Variants in MIR2052HG observed in about 807,000 individuals in gnomAD.
MIR2052HG encodes MIR2052 host gene.
At chr8:74,713,315 C>T (rs1809488670) in intron 4 of MIR2052HG, among the ~76,000 whole-genome samples, 1 of 152,128 alleles carries the variant, frequency 6.6e-6, no homozygotes. Context: ...TGGCCCCTTC[C>T]ACTCTTATCC....
intron 2 of MIR2052HG, among the ~76,000 whole-genome samples, chr8:74,668,509 T>C (rs1808956565): frequency 2.0e-5 from 3 of 152,212 alleles, no homozygotes; most frequent in South Asian, 2.1e-4. Flanking sequence ...TTGTAAGATA[T>C]CATCTGTGAC....
chr8:74,676,806 C>T (rs1048894061), intron 2 of MIR2052HG, among the ~76,000 whole-genome samples: 6 of 151,932 alleles, frequency 3.9e-5, no homozygotes, highest in Non-Finnish European at 7.4e-5. Flanking sequence ...ACTTACAACA[C>T]ACACATACGA....
rs770856752 is a variant in MIR2052HG, at chr8:74,698,088, A to G, written n.217-4291A>G. Among the ~76,000 whole-genome samples the G allele has an allele frequency of 2.4e-4, 36 of 152,196 alleles. 1 individual carries two copies. The highest frequency in any genetic ancestry group is 3.2e-3 in the Middle Eastern group (1 of 316). On this transcript the variant is annotated intron_variant and non_coding_transcript_variant, in intron 2 of 6. Coordinates refer to ENST00000523442, the Ensembl canonical transcript of MIR2052HG. The stretch of plus-strand genomic sequence containing the variant: ...AAAAGAACAAATCTGGAGGCATCAC[A>G]TTACCTGACTTCAAACCATACTGTA...
At chr8:74,750,414 G>A (rs953354866) in intron 4 of MIR2052HG, among the ~76,000 whole-genome samples, 3 of 152,136 alleles carry the variant, frequency 2.0e-5, no homozygotes, top group African/African-American at 7.2e-5. Flanking sequence ...GAGATGTGTA[G>A]TAATCATAGA....
At chr8:74,755,116 T>C (rs1406897233) in intron 5 of MIR2052HG, among the ~76,000 whole-genome samples, 1 of 152,208 alleles carries the variant, frequency 6.6e-6, no homozygotes, top group Non-Finnish European at 1.5e-5. Flanking sequence ...TTCTAAATCA[T>C]AATAGCTCCT....
intron 4 of MIR2052HG, among the ~76,000 whole-genome samples, chr8:74,735,251 G>A (rs950908892): frequency 6.6e-6 from 1 of 152,156 alleles, no homozygotes; most frequent in Non-Finnish European, 1.5e-5. Context: ...CTTCTCTCCT[G>A]TCCTCCTTTC....
intron 2 of MIR2052HG, among the ~76,000 whole-genome samples, chr8:74,639,487 T>G (rs138572043): frequency 6.6e-6 from 1 of 152,190 alleles, no homozygotes; most frequent in African/African-American, 2.4e-5. Context: ...GCTCAAATTA[T>G]GAGGATCGCA....
intron 2 of MIR2052HG, among the ~76,000 whole-genome samples, chr8:74,658,274 T>C (rs1371792893): frequency 2.0e-5 from 3 of 152,176 alleles, no homozygotes; most frequent in Non-Finnish European, 2.9e-5. Flanking sequence ...TAATGTACTG[T>C]AGAACTTGCT....
chr8:74,659,478 T>C (rs999129778), intron 2 of MIR2052HG, among the ~76,000 whole-genome samples: 1 of 152,226 alleles, frequency 6.6e-6, no homozygotes, highest in Non-Finnish European at 1.5e-5. Flanking sequence ...TCTCATTTTT[T>C]TGCTGAAGCT....
intron 1 of MIR2052HG, among the ~76,000 whole-genome samples, chr8:74,602,877 T>TTTCTTTCTTTCTTTTCTTTCTTTCTTTC (rs1808041801): frequency 1.9e-5 from 1 of 53,790 alleles, no homozygotes; most frequent in Non-Finnish European, 3.4e-5. Flanking sequence ...TTCTTTCTTT[T>TTTCTTTCTTTCTTTTCTTTCTTTCTTTC]TTCTATTCAC....
chr8:74,713,467 A>T (rs1363794511), intron 4 of MIR2052HG, among the ~76,000 whole-genome samples: 3 of 152,004 alleles, frequency 2.0e-5, no homozygotes, highest in Non-Finnish European at 4.4e-5. Context: ...AAGCACTTAC[A>T]TTATATAGCC....
intron 4 of MIR2052HG, among the ~76,000 whole-genome samples, chr8:74,744,775 G>T (rs937047875): frequency 6.6e-6 from 1 of 152,034 alleles, no homozygotes; most frequent in African/African-American, 2.4e-5. Context: ...GAATAATGCC[G>T]CAGTAAAATC....
intron 2 of MIR2052HG, among the ~76,000 whole-genome samples, chr8:74,680,471 A>C (rs1485703537): frequency 6.6e-6 from 1 of 152,206 alleles, no homozygotes; most frequent in Admixed American, 6.5e-5. Flanking sequence ...AATGCTCACC[A>C]TCACTGGCCA....
intron 2 of MIR2052HG, among the ~76,000 whole-genome samples, chr8:74,689,955 G>T (rs567991953): frequency 6.6e-6 from 1 of 152,144 alleles, no homozygotes; most frequent in Admixed American, 6.5e-5. Flanking sequence ...CTATGGGCCA[G>T]ACATGTAAGA....
chr8:74,754,443 G>T (rs1809978950), intron 5 of MIR2052HG, among the ~76,000 whole-genome samples: 1 of 152,146 alleles, frequency 6.6e-6, no homozygotes, highest in Non-Finnish European at 1.5e-5. Context: ...CTGATTTGGG[G>T]GCTCAGCCTA....
chr8:74,656,388 GTGGGAGGGACACAGTATGAGGTAA>G (rs1808806546), intron 2 of MIR2052HG, among the ~76,000 whole-genome samples: 1 of 152,096 alleles, frequency 6.6e-6, no homozygotes, highest in African/African-American at 2.4e-5. Context: ...CCCCTGTGTT[GTGGGAGGGACACAGTATGAGGTAA>G]TTGAATCATG....
intron 2 of MIR2052HG, among the ~76,000 whole-genome samples, chr8:74,675,110 G>C (rs561023127): frequency 6.6e-6 from 1 of 151,874 alleles, no homozygotes; most frequent in Non-Finnish European, 1.5e-5. Flanking sequence ...CTAAATTGTG[G>C]GGATGCAGTG....
chr8:74,741,436 G>A (rs1809827417), intron 4 of MIR2052HG, among the ~76,000 whole-genome samples: 1 of 152,212 alleles, frequency 6.6e-6, no homozygotes, highest in Non-Finnish European at 1.5e-5. Flanking sequence ...CCTGGGAAAT[G>A]TGACTGTAAA....
chr8:74,636,354 G>A (rs1808580712), intron 2 of MIR2052HG, among the ~76,000 whole-genome samples: 1 of 152,052 alleles, frequency 6.6e-6, no homozygotes, highest in Admixed American at 6.6e-5. Flanking sequence ...AATTTAGGAT[G>A]CTTTTACATT....
Sources: gnomAD v4.1 joint callset for allele counts (sites outside exome capture counted in the v4.1 genomes callset) on GRCh38, gnomAD v4.1.1 for gene constraint, MANE v1.5 for transcripts, NCBI Gene and HGNC (gene_info 2026-07-23, HGNC 2026-07-21) for gene names.